DEK: variants seen among roughly 807,000 people sequenced by gnomAD.
DEK encodes the protein DEK proto-oncogene, also known as protein DEK.
A neutral mutation model predicts 46.8 loss-of-function variants in DEK; 28 were observed. The observed-to-expected ratio is 0.60, with a 90% confidence interval of 0.44 to 0.82. DEK has a LOEUF of 0.82. DEK is among the 40% of genes least tolerant of loss of function. The pLI is 0.00. For missense variants in DEK, 416 were observed against 430.6 expected (o/e 0.97, Z 0.30); for synonymous variants, 160 against 144.5 (o/e 1.11, Z -0.77).
intron 7 of DEK, among the ~76,000 whole-genome samples, chr6:18,239,352 TTTTTTTTTTAA>T (rs1363099304): frequency 3.5e-5 from 5 of 144,620 alleles, no homozygotes; most frequent in African/African-American, 1.3e-4. Context: ...TTTTTTTTTT[TTTTTTTTTTAA>T]AAAAAAGAGA....
At chr6:18,253,859 C>T (rs112054701) in intron 6 of DEK, among the ~76,000 whole-genome samples, 82 of 152,030 alleles carry the variant, frequency 5.4e-4, no homozygotes, top group African/African-American at 1.3e-3. Flanking sequence ...ATTACACGAG[C>T]GTGCCTCAGC....
At chr6:18,245,586 G>A (rs1791078380) in intron 7 of DEK, among the ~76,000 whole-genome samples, 1 of 151,232 alleles carries the variant, frequency 6.6e-6, no homozygotes, top group South Asian at 2.1e-4. Context: ...AGGATAAGAT[G>A]AAAAAGAAAT....
intron 6 of DEK, among the ~76,000 whole-genome samples, chr6:18,251,022 T>C (rs1791355351): frequency 1.3e-5 from 2 of 152,162 alleles, no homozygotes; most frequent in African/African-American, 4.8e-5. Flanking sequence ...AAAGCAGAGA[T>C]CACCTGATGA....
chr6:18,244,779 C>T, intron 7 of DEK, among the ~76,000 whole-genome samples: 1 of 152,142 alleles, frequency 6.6e-6, no homozygotes, highest in East Asian at 1.9e-4. Flanking sequence ...TTCAATTCTG[C>T]CTTCCAACGA....
chr6:18,251,134 C>T (rs1158810100), intron 6 of DEK, among the ~76,000 whole-genome samples: 1 of 152,154 alleles, frequency 6.6e-6, no homozygotes. Context: ...TACCTAACAT[C>T]AAGAATGTTA....
At chr6:18,249,209 T>C (rs897286483) in intron 7 of DEK, among the ~76,000 whole-genome samples, 4 of 152,158 alleles carry the variant, frequency 2.6e-5, no homozygotes, top group Non-Finnish European at 5.9e-5. Context: ...TCTCACTACA[T>C]AGTCCCCTAA....
rs184942004 is a variant in DEK at position 18,248,795 on chromosome 6, C to T, written c.762+856G>A. On this transcript the variant is annotated intron_variant, in intron 7 of 10. Coordinates refer to ENST00000652689, the MANE Select transcript of DEK (RefSeq NM_003472.4). ...GGGACATTTGACAATGTCTGAAGAA[C>T]ATTTTTGGTTGTCACAAGGGGAGCT... Among the ~76,000 whole-genome samples, 490 of 152,220 alleles carry T rather than the reference C, an allele frequency of 3.2e-3. 4 individuals carry two copies. The highest frequency in any genetic ancestry group is 0.011 in the African/African-American group (457 of 41,518).
intron 2 of DEK, among the ~76,000 whole-genome samples, chr6:18,260,194 C>CATA (rs1791793664): frequency 6.6e-6 from 1 of 152,154 alleles, no homozygotes; most frequent in Admixed American, 6.5e-5. Context: ...TACTTTATAT[C>CATA]ATCTGTAGAT....
chr6:18,257,924 A>G, intron 4 of DEK, 29 bp downstream of exon 4: 1 of 1,478,110 alleles, frequency 6.8e-7, no homozygotes, highest in Non-Finnish European at 9.3e-7. Context: ...GTAATATACA[A>G]GTAGGTTTAA....
chr6:18,237,337 T>C (rs201719562), intron 8 of DEK, 44 bp downstream of exon 8: 2 of 1,564,762 alleles, frequency 1.3e-6, no homozygotes, highest in Non-Finnish European at 8.6e-7. Context: ...TATTAATATA[T>C]GCTATATCTT....
chr6:18,253,388 T>C (rs1024303706), intron 6 of DEK, among the ~76,000 whole-genome samples: 7 of 152,240 alleles, frequency 4.6e-5, no homozygotes, highest in Non-Finnish European at 8.8e-5. Context: ...GTGAACTTGA[T>C]AGTTTACCAA....
intron 9 of DEK, among the ~76,000 whole-genome samples, chr6:18,235,420 G>A (rs1790604733): frequency 6.6e-6 from 1 of 152,076 alleles, no homozygotes; most frequent in African/African-American, 2.4e-5. Context: ...GTATAGAATG[G>A]GTGATGCTCC....
intron 6 of DEK, among the ~76,000 whole-genome samples, chr6:18,251,166 T>C (rs1791359768): frequency 6.6e-6 from 1 of 152,224 alleles, no homozygotes; most frequent in Admixed American, 6.5e-5. Flanking sequence ...ACAGAATTAA[T>C]ATTTATTTCT....
Position 18,256,385 on chromosome 6 carries a change from T to G in DEK, c.428A>C (p.Lys143Thr), listed in dbSNP as rs1229672423. The G allele has an allele frequency of 1.2e-6, 2 of 1,613,080 alleles. No homozygotes were observed. Among genetic ancestry groups the G allele is most frequent in the Admixed American group, 3.3e-5 (2 of 59,832 alleles). The change falls in exon 5 of 11, where the codon AAA becomes ACA. Residue 143 changes from lysine to threonine, a missense_variant. Coordinates refer to ENST00000652689, the MANE Select transcript of DEK (RefSeq NM_003472.4). ...CTTTTTCAACATTTCTTCCTTCTTT[T>G]TATATTGGACACTTCCTTTTTCAAA... ...FPFEKGSVQY[K>T]KKEEMLKKFR...
At position 18,226,074 on chromosome 6, in the gene DEK, A is replaced by G. The variant is rs112563938; in HGVS notation, c.1116+100T>C. On this transcript the variant is annotated intron_variant, in intron 10 of 10. Transcript: ENST00000652689. ...TGAAGAAATGTGAGGATCAAATGTG[A>G]TATTTAGTGACATGAATATTTTGAA... 1.1e-4 allele frequency: 106 copies of G among 974,788 alleles called. 1 individual carries two copies. In the African/African-American group the frequency reaches 1.5e-3, roughly 13 times the overall value. The allele number at this position is 974,788 out of a possible 1,614,324, so 60.4% of individuals were successfully genotyped here.
At chr6:18,260,351 G>A (rs1791801667) in intron 2 of DEK, among the ~76,000 whole-genome samples, 1 of 152,152 alleles carries the variant, frequency 6.6e-6, no homozygotes. Flanking sequence ...CCACAGATGA[G>A]GAACCCACAG....
intron 9 of DEK, among the ~76,000 whole-genome samples, chr6:18,234,176 G>A (rs566141440): frequency 2.7e-5 from 4 of 148,122 alleles, no homozygotes; most frequent in East Asian, 2.0e-4. Context: ...ATCACACATC[G>A]GGGCCTGTTG....
chr6:18,234,657 A>G (rs112823281), intron 9 of DEK, among the ~76,000 whole-genome samples: 149 of 152,222 alleles, frequency 9.8e-4, no homozygotes, highest in African/African-American at 3.4e-3. Context: ...TTCTGACAGC[A>G]CTTTCCCCTC....
intron 6 of DEK, among the ~76,000 whole-genome samples, chr6:18,254,638 T>C (rs1174596975): frequency 1.3e-5 from 2 of 152,050 alleles, no homozygotes; most frequent in Non-Finnish European, 2.9e-5. Flanking sequence ...AACCAATAAA[T>C]TGGAAAACCA....
Sources: gnomAD v4.1 joint callset for allele counts (sites outside exome capture counted in the v4.1 genomes callset) on GRCh38, gnomAD v4.1.1 for gene constraint, MANE v1.5 for transcripts, NCBI Gene and HGNC (gene_info 2026-07-23, HGNC 2026-07-21) for gene names.